The following GABRA1 variants were observed in gnomAD, a reference collection of about 807,000 sequenced individuals.
GABRA1 encodes gamma-aminobutyric acid type A receptor subunit alpha1, also known as gamma-aminobutyric acid receptor subunit alpha-1.
In GABRA1, 9 loss-of-function variants were observed where a neutral mutation model predicts 48.9. The ratio of observed to expected loss-of-function variants is 0.18; its 90% confidence interval spans 0.11 to 0.32. The LOEUF (loss-of-function observed/expected upper bound fraction) is 0.32. Among genes scored for constraint, GABRA1 ranks in the 10% least tolerant of loss-of-function variants. The pLI, the probability that GABRA1 is intolerant of heterozygous loss-of-function variation, is 1.00. For missense variants in GABRA1, 285 were observed against 553.8 expected (o/e 0.51, Z 4.87); for synonymous variants, 210 against 198.7 (o/e 1.06, Z -0.48).
At chr5:161,851,025 TAA>T in intron 2 of GABRA1, 141 bp downstream of exon 2, 1 of 734,356 alleles carries the variant, frequency 1.4e-6, no homozygotes, top group South Asian at 1.5e-5. Flanking sequence ...CAGCTAAGAA[TAA>T]AGAGGAGCAG....
chr5:161,864,744 T>C (rs543324552), intron 3 of GABRA1, among the ~76,000 whole-genome samples: 1 of 151,888 alleles, frequency 6.6e-6, no homozygotes, highest in Non-Finnish European at 1.5e-5. Flanking sequence ...ATGTTTGTTT[T>C]CTTGCATTAA....
rs945970866 is a variant in GABRA1 at position 161,877,021 on chromosome 5, AC to A, written c.559+1384del. ...ACAATCATGGCTCACTGCAGGCTTG[AC>A]CCCCTGGGCTCAGGCAATTGTTCTG... On this transcript the variant is annotated intron_variant, in intron 6 of 9. Transcript: ENST00000393943. Among the ~76,000 whole-genome samples, 11 of 151,660 alleles carry A rather than the reference AC, an allele frequency of 7.3e-5. 1 individual carries two copies. Among genetic ancestry groups the A allele is most frequent in the African/African-American group, 2.4e-4 (10 of 41,262 alleles).
At chr5:161,874,340 C>A (rs1471937708) in intron 5 of GABRA1, among the ~76,000 whole-genome samples, 1 of 151,960 alleles carries the variant, frequency 6.6e-6, no homozygotes, top group Non-Finnish European at 1.5e-5. Context: ...TGTATTAGGA[C>A]TTAAAAAAAT....
chr5:161,880,278 C>T (rs1425287710), intron 6 of GABRA1, among the ~76,000 whole-genome samples: 1 of 152,104 alleles, frequency 6.6e-6, no homozygotes, highest in Non-Finnish European at 1.5e-5. Context: ...TTACCATAAA[C>T]TCATTATGTC....
chr5:161,884,797 T>C (rs549602613), intron 7 of GABRA1, among the ~76,000 whole-genome samples: 81 of 152,298 alleles, frequency 5.3e-4, no homozygotes, highest in African/African-American at 1.8e-3. Flanking sequence ...GGAATATTCC[T>C]GCTCTAATTT....
At chr5:161,887,856 C>T (rs2113435206) in intron 7 of GABRA1, among the ~76,000 whole-genome samples, 1 of 152,188 alleles carries the variant, frequency 6.6e-6, no homozygotes, top group Non-Finnish European at 1.5e-5. Context: ...ATTTTATCCT[C>T]ACATCCTCCT....
intron 8 of GABRA1, 42 bp from the exon 9 acceptor site, chr5:161,895,624 A>G (rs762256765): frequency 6.5e-7 from 1 of 1,538,216 alleles, no homozygotes. Context: ...GAAATTTCAC[A>G]GTATGAACTG....
chr5:161,880,148 A>G (rs762336060), intron 6 of GABRA1, among the ~76,000 whole-genome samples: 5 of 152,154 alleles, frequency 3.3e-5, no homozygotes, highest in African/African-American at 4.8e-5. Context: ...TTTCCCAGTT[A>G]TTAGTAATGT....
chr5:161,864,954 T>A (rs544575957), intron 3 of GABRA1, among the ~76,000 whole-genome samples: 1 of 152,116 alleles, frequency 6.6e-6, no homozygotes, highest in Non-Finnish European at 1.5e-5. Context: ...CCTCAACAAA[T>A]TGTTCCTTTT....
At chr5:161,886,858 AT>A (rs1246359135) in intron 7 of GABRA1, among the ~76,000 whole-genome samples, 4 of 152,100 alleles carry the variant, frequency 2.6e-5, no homozygotes, top group African/African-American at 9.7e-5. Flanking sequence ...GAAGGGGGTC[AT>A]TTCTACTTGA....
intron 4 of GABRA1, among the ~76,000 whole-genome samples, chr5:161,872,033 G>A (rs912524135): frequency 6.6e-6 from 1 of 152,132 alleles, no homozygotes; most frequent in African/African-American, 2.4e-5. Context: ...TATTTTGTAG[G>A]TCCTAATAAC....
chr5:161,854,623 A>G (rs1307865032), intron 3 of GABRA1, among the ~76,000 whole-genome samples: 1 of 151,674 alleles, frequency 6.6e-6, no homozygotes, highest in Non-Finnish European at 1.5e-5. Context: ...GTATGTTTGC[A>G]TTTAATTCCA....
At chr5:161,864,762 C>T (rs1757988770) in intron 3 of GABRA1, among the ~76,000 whole-genome samples, 1 of 150,826 alleles carries the variant, frequency 6.6e-6, no homozygotes, top group East Asian at 1.9e-4. Context: ...TAAATCATAA[C>T]TGAGTTATCC....
chr5:161,873,452 C>A (rs192858191), intron 5 of GABRA1, 115 bp downstream of exon 5: 16 of 845,058 alleles, frequency 1.9e-5, no homozygotes, highest in East Asian at 1.1e-4. Context: ...TGTTTTTCAA[C>A]CTTAACAATC....
chr5:161,847,216 G>C (rs867103970), upstream of GABRA1: 7 of 152,054 alleles, frequency 4.6e-5, no homozygotes, highest in African/African-American at 1.4e-4. Flanking sequence ...AGAAGGGGGG[G>C]GAAAAGTAGA....
In GABRA1 at chr5:161,898,409, T is replaced by C. The variant is rs1046912304; in HGVS notation, c.*987T>C. The C allele has an allele frequency of 1.3e-5, 2 of 152,570 alleles. No individual in the cohort carries two copies. The highest frequency in any genetic ancestry group is 2.4e-5 in the African/African-American group (1 of 41,448). 9.5% of individuals were successfully genotyped at this position (152,570 alleles called of 1,614,324 possible). On this transcript the variant is annotated 3_prime_UTR_variant, in exon 10 of 10. Transcript: ENST00000393943. ...ATGACTAGCAAACAAAAATAGAATA[T>C]ATAAACGATATATGTAAATATACAG...
At chr5:161,894,933 C>A (rs143185266) in intron 8 of GABRA1, among the ~76,000 whole-genome samples, 1 of 151,908 alleles carries the variant, frequency 6.6e-6, no homozygotes, top group African/African-American at 2.4e-5. Context: ...TTCTAACATT[C>A]GAATCAGAAA....
chr5:161,873,887 C>G (rs1310922136), intron 5 of GABRA1, among the ~76,000 whole-genome samples: 1 of 152,120 alleles, frequency 6.6e-6, no homozygotes, highest in African/African-American at 2.4e-5. Context: ...ACATTTCCCT[C>G]TCTTTAAGAT....
chr5:161,870,142 A>G (rs150825426), intron 4 of GABRA1, among the ~76,000 whole-genome samples: 26 of 152,306 alleles, frequency 1.7e-4, no homozygotes, highest in Non-Finnish European at 2.9e-4. Flanking sequence ...ATAGATTAAG[A>G]AACTGGGGAC....
Sources: allele counts gnomAD v4.1 joint callset (sites outside exome capture counted in the v4.1 genomes callset), GRCh38; gene constraint gnomAD v4.1.1; transcripts MANE v1.5; gene names NCBI Gene and HGNC (gene_info 2026-07-23, HGNC 2026-07-21).